The following ELAVL4 variants were observed in gnomAD, a reference collection of about 807,000 sequenced individuals.
ELAVL4 encodes ELAV-like protein 4.
In ELAVL4, 1 loss-of-function variant was observed where a neutral mutation model predicts 35.6. The ratio of observed to expected loss-of-function variants is 0.03; its 90% confidence interval spans 0.01 to 0.13. ELAVL4 has a LOEUF of 0.13. Ranked by LOEUF, ELAVL4 falls within the 10% of genes least tolerant of loss-of-function variation. The pLI is 1.00. For missense variants in ELAVL4, 267 were observed against 464.9 expected (o/e 0.57, Z 3.91); for synonymous variants, 156 against 171.0 (o/e 0.91, Z 0.69).
rs1023622051 is a variant in ELAVL4, at chr1:50,057,370, G to GA, written c.18+9194dup. ...AGCTAAAGTTAATTTATTATTAAAA[G>GA]AAAAAACATTTTTATAAATTCAGTG... On this transcript the variant is annotated intron_variant, in intron 1 of 6. Transcript: ENST00000448907. Among the ~76,000 whole-genome samples the GA allele has an allele frequency of 6.2e-4, 94 of 151,992 alleles. 1 individual carries two copies. Among genetic ancestry groups the GA allele is most frequent in the African/African-American group, 2.2e-3 (91 of 41,408 alleles).
rs116391279 is a variant in ELAVL4 at position 50,145,095 on chromosome 1, G to A, written c.148G>A (p.Val50Ile). ...TTDDSKTNLI[V>I]NYLPQNMTQE... ...AGATGACAGCAAAACCAACCTCATC[G>A]TCAACTATTTACCCCAGAATATGAC... The change falls in exon 2 of 7, where the codon GTC (valine) becomes ATC (isoleucine). Residue 50 changes from valine to isoleucine, a missense_variant. Val to Ile is a conservative substitution (Grantham distance 29). Transcript: ENST00000371824. The A allele has an allele frequency of 3.9e-4, 633 of 1,613,920 alleles. No homozygotes were observed. The highest frequency in any genetic ancestry group is 3.9e-4 in the Non-Finnish European group (458 of 1,179,936).
intron 2 of ELAVL4, 57 bp from the exon 3 acceptor site, chr1:50,177,032 C>G: frequency 1.4e-6 from 2 of 1,440,428 alleles, no homozygotes; most frequent in Admixed American, 1.7e-5. Flanking sequence ...CTCTCTCTCT[C>G]TTTCTCTCTG....
intron 1 of ELAVL4, among the ~76,000 whole-genome samples, chr1:50,073,005 C>G (rs776625153): frequency 4.6e-5 from 7 of 152,314 alleles, no homozygotes; most frequent in African/African-American, 1.7e-4. Flanking sequence ...AGTTTCACCT[C>G]AGTTAGTAGT....
At chr1:50,172,424 A>C (rs1001129594) in intron 2 of ELAVL4, among the ~76,000 whole-genome samples, 2 of 152,246 alleles carry the variant, frequency 1.3e-5, no homozygotes, top group African/African-American at 4.8e-5. Flanking sequence ...ATTTTAGTTC[A>C]AATGGAGTAA....
rs149838017 is a variant in ELAVL4, at chr1:50,052,427, A to G, written c.18+4245A>G. Among the ~76,000 whole-genome samples the G allele has an allele frequency of 4.6e-4, 70 of 152,320 alleles. 1 individual carries two copies. Among genetic ancestry groups the G allele is most frequent in the African/African-American group, 1.5e-3 (63 of 41,574 alleles). ...TTAATCTGTGATAAGGTCCACTAGC[A>G]ATGTCTTTCATTGATCAAAAAAGAC... On this transcript the variant is annotated intron_variant, in intron 1 of 6. Coordinates refer to the ELAVL4 transcript ENST00000448907.
upstream of ELAVL4, among the ~76,000 whole-genome samples, chr1:50,099,034 C>T (rs1380470000): frequency 1.3e-5 from 2 of 152,282 alleles, no homozygotes; most frequent in East Asian, 3.9e-4. Flanking sequence ...AATAAGTCAG[C>T]ATTGAGGATG....
At chr1:50,064,911 A>G (rs1424300897) in intron 1 of ELAVL4, among the ~76,000 whole-genome samples, 1 of 152,144 alleles carries the variant, frequency 6.6e-6, no homozygotes, top group East Asian at 1.9e-4. Context: ...AGGGCAGGGA[A>G]TATGGGTTTA....
intron 1 of ELAVL4, among the ~76,000 whole-genome samples, chr1:50,142,050 AG>A (rs1272145756): frequency 6.6e-6 from 1 of 152,232 alleles, no homozygotes; most frequent in Non-Finnish European, 1.5e-5. Context: ...TTTGTATTTT[AG>A]ACATTTAATG....
At chr1:50,199,511 G>A (rs1420751069) in intron 6 of ELAVL4, among the ~76,000 whole-genome samples, 3 of 152,176 alleles carry the variant, frequency 2.0e-5, no homozygotes, top group Non-Finnish European at 4.4e-5. Context: ...TTCAAGACCA[G>A]CCTGGCCAAC....
chr1:50,084,119 G>C (rs1665130633), intron 1 of ELAVL4, among the ~76,000 whole-genome samples: 1 of 152,104 alleles, frequency 6.6e-6, no homozygotes, highest in South Asian at 2.1e-4. Context: ...GTGTTTTTCT[G>C]ATTATGAAAG....
At chr1:50,178,907 T>G (rs1007776170) in intron 3 of ELAVL4, among the ~76,000 whole-genome samples, 4 of 152,118 alleles carry the variant, frequency 2.6e-5, no homozygotes, top group Admixed American at 2.0e-4. Context: ...TACAGTTTTC[T>G]TGAAACCCCA....
chr1:50,172,269 C>A (rs972753527), intron 2 of ELAVL4, among the ~76,000 whole-genome samples: 5 of 152,126 alleles, frequency 3.3e-5, no homozygotes, highest in Non-Finnish European at 7.3e-5. Context: ...GGGGTTATAA[C>A]CAGCTATGCT....
At chr1:50,197,560 GAA>G in intron 6 of ELAVL4, 93 bp downstream of exon 6, 2 of 1,174,410 alleles carry the variant, frequency 1.7e-6, no homozygotes, top group Non-Finnish European at 1.1e-6. Flanking sequence ...TACTTTAAAA[GAA>G]AAAAATTCTT....
chr1:50,094,091 C>T (rs958865913), intron 1 of ELAVL4, among the ~76,000 whole-genome samples: 1 of 152,148 alleles, frequency 6.6e-6, no homozygotes. Context: ...CACAACAGAG[C>T]TACCTATAGC....
intron 2 of ELAVL4, among the ~76,000 whole-genome samples, chr1:50,173,117 C>G (rs748235435): frequency 4.0e-4 from 61 of 152,278 alleles, no homozygotes; most frequent in Non-Finnish European, 4.3e-4. Flanking sequence ...TTTCATTTAT[C>G]AAGCATTTGT....
Position 50,201,299 on chromosome 1 carries a change from T to G in ELAVL4, c.*121T>G. 1 of 1,256,272 alleles carries G rather than the reference T, an allele frequency of 8.0e-7. No homozygotes were observed. The highest frequency in any genetic ancestry group is 1.1e-6 in the Non-Finnish European group (1 of 950,016). The allele number at this position is 1,256,272 out of a possible 1,614,324, so 77.8% of individuals were successfully genotyped here. A position where few individuals can be genotyped will look rare whatever the true frequency, so the allele number is the denominator to read the frequency against. ...ACTTTTCAAGGCTTATATTCAACCA[T>G]GGACTTTATAAGCCAGTGTTGCCTA... On this transcript the variant is annotated 3_prime_UTR_variant, in exon 7 of 7. Coordinates refer to ENST00000371824, the MANE Select transcript of ELAVL4 (RefSeq NM_001144774.3). This position sits in a 1 kb window ranked among gnomAD's most constrained non-coding sequence, Gnocchi z 4.3.
At chr1:50,078,874 T>C (rs1572140167) in intron 1 of ELAVL4, among the ~76,000 whole-genome samples, 1 of 152,134 alleles carries the variant, frequency 6.6e-6, no homozygotes, top group South Asian at 2.1e-4. Context: ...GTTATGGCTG[T>C]TTATGTTTGT....
intron 3 of ELAVL4, among the ~76,000 whole-genome samples, chr1:50,182,870 C>T (rs943101035): frequency 6.8e-6 from 1 of 146,112 alleles, no homozygotes; most frequent in East Asian, 2.0e-4. Flanking sequence ...TATTTCCATC[C>T]TTTTTTTTTT....
intron 1 of ELAVL4, among the ~76,000 whole-genome samples, chr1:50,058,103 G>A (rs1383160421): frequency 1.3e-5 from 2 of 152,144 alleles, no homozygotes; most frequent in Non-Finnish European, 2.9e-5. Flanking sequence ...TCCACGGGGG[G>A]AAGTGATCAG....
Sources: allele counts gnomAD v4.1 joint callset (sites outside exome capture counted in the v4.1 genomes callset), GRCh38; gene constraint gnomAD v4.1.1; non-coding constraint Gnocchi (gnomAD v3.1); transcripts MANE v1.5; gene names NCBI Gene and HGNC (gene_info 2026-07-23, HGNC 2026-07-21).